PLCE1: variants seen among roughly 807,000 people sequenced by gnomAD.
PLCE1 encodes phospholipase C epsilon 1, also known as 1-phosphatidylinositol 4,5-bisphosphate phosphodiesterase epsilon-1.
In PLCE1, 119 loss-of-function variants were observed where a neutral mutation model predicts 242.8. The ratio of observed to expected loss-of-function variants is 0.49; its 90% CI spans 0.42 to 0.57. The LOEUF is 0.57. Ranked by LOEUF, PLCE1 falls within the 20% of genes least tolerant of loss-of-function variation. The probability of loss-of-function intolerance (pLI) is 0.00; values close to 1 mark genes in which losing one functional copy is unlikely to be tolerated. For synonymous variants in PLCE1, 945 were observed against 1,017.4 expected (o/e 0.93, Z 1.35); for missense variants, 2,441 against 2,788.8 (o/e 0.88, Z 2.81).
chr10:94,089,309 T>C, intron 2 of PLCE1: 1 of 1,613,950 alleles, frequency 6.2e-7, no homozygotes, highest in Non-Finnish European at 8.5e-7. Flanking sequence ...CTCTTCCCGC[T>C]CTCTGAGGTA....
chr10:94,160,463 GTTGT>G (rs1564743186), intron 3 of PLCE1, among the ~76,000 whole-genome samples: 1 of 152,134 alleles, frequency 6.6e-6, no homozygotes, highest in African/African-American at 2.4e-5. Flanking sequence ...TTTTGATGGG[GTTGT>G]TTCTTTTTTT....
chr10:94,258,345 T>G (rs1376809682), intron 11 of PLCE1, among the ~76,000 whole-genome samples: 1 of 152,208 alleles, frequency 6.6e-6, no homozygotes, highest in Non-Finnish European at 1.5e-5. Context: ...TAAGGACTGG[T>G]TAAGAAAGGA....
At chr10:93,998,072 A>G (rs917692546) in intron 1 of PLCE1, among the ~76,000 whole-genome samples, 1 of 152,182 alleles carries the variant, frequency 6.6e-6, no homozygotes, top group Non-Finnish European at 1.5e-5. Flanking sequence ...CATCAATCTG[A>G]CTCAGTCGGA....
At chr10:94,289,588 A>G (rs2133402378) in intron 22 of PLCE1, among the ~76,000 whole-genome samples, 1 of 152,356 alleles carries the variant, frequency 6.6e-6, no homozygotes, top group South Asian at 2.1e-4. Flanking sequence ...CCTGTACGGC[A>G]TGTTACTGCA....
intron 29 of PLCE1, among the ~76,000 whole-genome samples, chr10:94,317,664 G>A (rs1418310367): frequency 1.3e-5 from 2 of 152,172 alleles, no homozygotes; most frequent in Non-Finnish European, 2.9e-5. Flanking sequence ...TCCTGGGAAG[G>A]AAAGGATGCA....
chr10:94,257,317 A>G (rs1186681745), intron 11 of PLCE1, among the ~76,000 whole-genome samples: 1 of 151,702 alleles, frequency 6.6e-6, no homozygotes, highest in Non-Finnish European at 1.5e-5. Context: ...ATACTTTCTT[A>G]TATATTTGAA....
intron 2 of PLCE1, among the ~76,000 whole-genome samples, chr10:94,045,630 G>C (rs1428723849): frequency 6.6e-6 from 1 of 152,198 alleles, no homozygotes; most frequent in African/African-American, 2.4e-5. Context: ...ACAAATAGCT[G>C]TGTCACCTAG....
At chr10:94,149,018 A>T (rs924543686) in intron 3 of PLCE1, among the ~76,000 whole-genome samples, 1 of 152,002 alleles carries the variant, frequency 6.6e-6, no homozygotes, top group African/African-American at 2.4e-5. Flanking sequence ...TGTTCATTCC[A>T]CTCTACCTTG....
chr10:94,225,370 G>C (rs1286001578), intron 4 of PLCE1: 2 of 152,232 alleles, frequency 1.3e-5, no homozygotes, highest in East Asian at 3.9e-4. Context: ...CCAGAGCCAA[G>C]TCTGAAAAAA....
chr10:94,113,142 G>T (rs569530831), intron 2 of PLCE1, among the ~76,000 whole-genome samples: 1 of 152,210 alleles, frequency 6.6e-6, no homozygotes, highest in South Asian at 2.1e-4. Context: ...ATGGGTATGA[G>T]ACTTAACTTG....
chr10:94,304,516 G>T lies in PLCE1; in HGVS notation c.5493G>T (p.Glu1831Asp). 6.2e-7 allele frequency: 1 copy of T among 1,614,086 alleles called. No homozygotes were observed. Among genetic ancestry groups the T allele is most frequent in the Non-Finnish European group, 8.5e-7 (1 of 1,179,948 alleles). Reference protein sequence around the residue: ...LPLHLNAAMFEANGGCGYVLK... With the variant: ...LPLHLNAAMFDANGGCGYVLK... The stretch of plus-strand genomic sequence containing the variant: ...TACATTTAAATGCTGCAATGTTTGA[G>T]GCAAATGGTGGTTGTGGTTATGTAT... Residue 1831 changes from glutamate to aspartate, a missense_variant, in exon 25 of 33, where the codon GAG (glutamate) becomes GAT (aspartate). Physicochemically the swap from Glu to Asp is conservative, Grantham distance 45. This residue lies in a region of PLCE1 where 1,004 missense variants were observed against 1,322.7 expected (regional missense o/e 0.76). Coordinates refer to ENST00000371380, the MANE Select transcript of PLCE1 (RefSeq NM_016341.4).
At chr10:94,237,526 C>T (rs1386836443) in intron 7 of PLCE1, among the ~76,000 whole-genome samples, 1 of 152,212 alleles carries the variant, frequency 6.6e-6, no homozygotes, top group Non-Finnish European at 1.5e-5. Context: ...TTCTCTTCCA[C>T]TGCCCATTTT....
At chr10:94,200,904 A>G (rs1039916744) in intron 4 of PLCE1, among the ~76,000 whole-genome samples, 1 of 152,192 alleles carries the variant, frequency 6.6e-6, no homozygotes, top group Non-Finnish European at 1.5e-5. Flanking sequence ...GGGATTCTGC[A>G]AAATACATGA....
At chr10:94,041,274 CCTT>C (rs1299271911) in intron 2 of PLCE1, among the ~76,000 whole-genome samples, 1 of 152,162 alleles carries the variant, frequency 6.6e-6, no homozygotes, top group Non-Finnish European at 1.5e-5. Context: ...TCTGCTGTCT[CCTT>C]CTTTCCTTCC....
intron 2 of PLCE1, among the ~76,000 whole-genome samples, chr10:94,127,938 A>T (rs868165117): frequency 6.8e-6 from 1 of 146,552 alleles, no homozygotes; most frequent in Non-Finnish European, 1.5e-5. Flanking sequence ...CTTTTCCATG[A>T]TTCCTTCTTT....
intron 4 of PLCE1, among the ~76,000 whole-genome samples, chr10:94,213,756 A>G (rs1322714036): frequency 6.6e-6 from 1 of 152,236 alleles, no homozygotes; most frequent in East Asian, 1.9e-4. Context: ...AAAGGCCAAC[A>G]TTGTTTCCAC....
chr10:94,109,201 A>G (rs1327814906), intron 2 of PLCE1: 2 of 152,188 alleles, frequency 1.3e-5, no homozygotes, highest in African/African-American at 4.8e-5. Context: ...TTGCAGTTAT[A>G]CTGTAGTCAG....
intron 10 of PLCE1, 58 bp downstream of exon 10, chr10:94,254,365 G>C (rs564600862): frequency 1.8e-6 from 2 of 1,141,656 alleles, no homozygotes; most frequent in South Asian, 1.2e-5. Context: ...GGGAAAAAAA[G>C]TATACATTTG....
intron 2 of PLCE1, among the ~76,000 whole-genome samples, chr10:94,074,318 T>C (rs1589963797): frequency 6.6e-6 from 1 of 151,556 alleles, no homozygotes; most frequent in East Asian, 2.0e-4. Context: ...ATCAGCCTCC[T>C]GAGTAGCTGG....
Sources: gnomAD v4.1 joint callset for allele counts (sites outside exome capture counted in the v4.1 genomes callset) on GRCh38, gnomAD v4.1.1 for gene constraint, gnomAD v4.1.1 regional missense constraint, MANE v1.5 for transcripts, NCBI Gene and HGNC (gene_info 2026-07-23, HGNC 2026-07-21) for gene names.